Variants in MALRD1 observed in about 807,000 individuals in gnomAD.
MALRD1 encodes MAM and LDL-receptor class A domain-containing protein 1.
In MALRD1, 247 loss-of-function variants were observed where a neutral mutation model predicts 242.1. The observed-to-expected ratio is 1.02, with a 90% CI of 0.92 to 1.13. The LOEUF (loss-of-function observed/expected upper bound fraction) is 1.13, where lower values mean the gene tolerates loss of function less well. MALRD1 is among the 50% of genes most tolerant of loss of function. MALRD1 has a pLI of 0.00. For synonymous variants in MALRD1, 995 were observed against 866.6 expected (o/e 1.15, Z -2.60); for missense variants, 2,989 against 2,533.1 (o/e 1.18, Z -3.86).
intron 36 of MALRD1, among the ~76,000 whole-genome samples, chr10:19,663,120 A>C (rs2131737955): frequency 6.6e-6 from 1 of 152,172 alleles, no homozygotes; most frequent in East Asian, 1.9e-4. Flanking sequence ...TTTAACCGTC[A>C]CCCATATAAT....
At chr10:19,529,939 C>T (rs1834279725) in intron 31 of MALRD1, among the ~76,000 whole-genome samples, 1 of 151,990 alleles carries the variant, frequency 6.6e-6, no homozygotes. Flanking sequence ...GTTCTATGTA[C>T]ATGCATAGGA....
At chr10:19,257,821 GA>G in intron 19 of MALRD1, 50 bp downstream of exon 19, 2 of 1,230,620 alleles carry the variant, frequency 1.6e-6, no homozygotes, top group South Asian at 1.7e-5. Flanking sequence ...TGTTTACTTG[GA>G]AAACTTGCAA....
chr10:19,700,031 CA>C (rs1833555184), intron 38 of MALRD1, among the ~76,000 whole-genome samples: 3 of 150,970 alleles, frequency 2.0e-5, no homozygotes, highest in Non-Finnish European at 4.4e-5. Flanking sequence ...GACACACACA[CA>C]CACACACACA....
At chr10:19,138,516 G>C (rs189879535) in intron 10 of MALRD1, among the ~76,000 whole-genome samples, 1 of 151,666 alleles carries the variant, frequency 6.6e-6, no homozygotes, top group East Asian at 1.9e-4. Context: ...CACTTCCCGG[G>C]TTCAAGTGAT....
At chr10:19,498,992 TA>T (rs1246558018) in intron 31 of MALRD1, among the ~76,000 whole-genome samples, 2 of 152,128 alleles carry the variant, frequency 1.3e-5, no homozygotes, top group African/African-American at 4.8e-5. Context: ...CTGGCAATGC[TA>T]AAAGTTATCC....
chr10:19,588,515 T>A (rs1333295904), intron 33 of MALRD1, among the ~76,000 whole-genome samples: 1 of 152,236 alleles, frequency 6.6e-6, no homozygotes, highest in Non-Finnish European at 1.5e-5. Flanking sequence ...GCTGTTGTAG[T>A]GATGCAATTA....
At chr10:19,305,350 A>G (rs1446547737) in intron 21 of MALRD1, among the ~76,000 whole-genome samples, 1 of 151,632 alleles carries the variant, frequency 6.6e-6, no homozygotes, top group Admixed American at 6.6e-5. Flanking sequence ...AAATTATACG[A>G]ATAAGAAATA....
chr10:19,412,207 C>T (rs1188436263), intron 28 of MALRD1, among the ~76,000 whole-genome samples: 1 of 152,198 alleles, frequency 6.6e-6, no homozygotes, highest in African/African-American at 2.4e-5. Flanking sequence ...GGGAGAATCA[C>T]TTGAACTCGG....
chr10:19,355,602 ACT>A (rs1844588721), intron 26 of MALRD1, among the ~76,000 whole-genome samples: 1 of 150,918 alleles, frequency 6.6e-6, no homozygotes, highest in Non-Finnish European at 1.5e-5. Flanking sequence ...CTCAGCTGTA[ACT>A]CTTACATTCA....
At chr10:19,327,518 C>G in intron 22 of MALRD1, 45 bp from the exon 23 acceptor site, 1 of 1,418,874 alleles carries the variant, frequency 7.0e-7, no homozygotes, top group Non-Finnish European at 9.6e-7. Context: ...TGCAATTTCT[C>G]AAGATAAAAT....
intron 31 of MALRD1, among the ~76,000 whole-genome samples, chr10:19,513,608 G>A (rs1051057263): frequency 4.0e-5 from 6 of 151,822 alleles, no homozygotes; most frequent in African/African-American, 7.3e-5. Context: ...GCGTGGTAGC[G>A]GGTGCCTGTA....
chr10:19,325,491 C>G (rs1354666676), intron 22 of MALRD1, among the ~76,000 whole-genome samples: 3 of 151,706 alleles, frequency 2.0e-5, no homozygotes, highest in Non-Finnish European at 4.4e-5. Flanking sequence ...ATTCCCAAGT[C>G]CTGTCTTCCC....
intron 31 of MALRD1, among the ~76,000 whole-genome samples, chr10:19,524,752 C>T (rs1297161810): frequency 6.6e-6 from 1 of 152,038 alleles, no homozygotes; most frequent in Non-Finnish European, 1.5e-5. Context: ...AAAACTGAGT[C>T]TTAATTTAAA....
At chr10:19,541,757 A>G (rs894413435) in intron 32 of MALRD1, among the ~76,000 whole-genome samples, 2 of 152,338 alleles carry the variant, frequency 1.3e-5, no homozygotes, top group African/African-American at 2.4e-5. Context: ...TCACTGGCTC[A>G]TATTAACACT....
chr10:19,543,029 G>T (rs10764059), intron 32 of MALRD1, among the ~76,000 whole-genome samples: 98,372 of 151,822 alleles, frequency 0.65, 35,523 homozygotes, highest in Non-Finnish European at 0.79. Flanking sequence ...TTCATTTTTT[G>T]TTGGATTCAT....
intron 18 of MALRD1, among the ~76,000 whole-genome samples, chr10:19,256,424 T>C (rs988661570): frequency 4.6e-5 from 7 of 152,098 alleles, no homozygotes; most frequent in African/African-American, 1.4e-4. Flanking sequence ...TTATACATTT[T>C]TGTTTTCTCT....
intron 14 of MALRD1, among the ~76,000 whole-genome samples, chr10:19,200,545 G>T (rs867728510): frequency 1.5e-4 from 23 of 151,072 alleles, no homozygotes; most frequent in Middle Eastern, 6.9e-3. Flanking sequence ...AACAAACCTC[G>T]GTAGAATCAT....
chr10:19,387,298 C>CTT (rs36070001), intron 26 of MALRD1, among the ~76,000 whole-genome samples: 17,404 of 143,144 alleles, frequency 0.12, 1,127 homozygotes, highest in South Asian at 0.15. Context: ...TAAAGTGATG[C>CTT]TTTTTTTTTT....
At chr10:19,459,433 A>G (rs1464552770) in intron 29 of MALRD1, among the ~76,000 whole-genome samples, 1 of 152,152 alleles carries the variant, frequency 6.6e-6, no homozygotes, top group Non-Finnish European at 1.5e-5. Flanking sequence ...AGGCTTCAGA[A>G]GAGAGACTTC....
Sources: gnomAD v4.1 joint callset for allele counts (sites outside exome capture counted in the v4.1 genomes callset) on GRCh38, gnomAD v4.1.1 for gene constraint, MANE v1.5 for transcripts, NCBI Gene and HGNC (gene_info 2026-07-23, HGNC 2026-07-21) for gene names.